FNDC3B: variants seen among roughly 807,000 people sequenced by gnomAD.
The protein encoded by FNDC3B is fibronectin type III domain containing 3B, also known as fibronectin type III domain-containing protein 3B.
A neutral mutation model predicts 151.5 loss-of-function variants in FNDC3B; 12 were observed. The observed-to-expected ratio is 0.08, with a 90% CI of 0.05 to 0.13. The LOEUF (loss-of-function observed/expected upper bound fraction) is 0.13, where lower values mean the gene tolerates loss of function less well. Among genes scored for constraint, FNDC3B ranks in the 10% least tolerant of loss-of-function variants. The pLI is 1.00. For synonymous variants in FNDC3B, 528 were observed against 549.0 expected (o/e 0.96, Z 0.54); for missense variants, 1,214 against 1,505.3 (o/e 0.81, Z 3.20).
intron 25 of FNDC3B, among the ~76,000 whole-genome samples, chr3:172,391,280 A>G (rs1337561092): frequency 6.6e-6 from 1 of 152,218 alleles, no homozygotes; most frequent in East Asian, 1.9e-4. Context: ...TTTGCAGAGC[A>G]TTTTCCACAT....
chr3:172,089,652 G>A (rs534451489), intron 1 of FNDC3B, among the ~76,000 whole-genome samples: 1 of 152,210 alleles, frequency 6.6e-6, no homozygotes, highest in South Asian at 2.1e-4. Context: ...TAATATCTCT[G>A]ACAGAAGACT....
At chr3:172,060,422 G>A (rs1019950658) in intron 1 of FNDC3B, among the ~76,000 whole-genome samples, 5 of 152,012 alleles carry the variant, frequency 3.3e-5, no homozygotes, top group African/African-American at 1.2e-4. Flanking sequence ...TAGGCCATGA[G>A]ACTGATTACT....
At chr3:172,108,376 A>T (rs1719780078) in intron 1 of FNDC3B, among the ~76,000 whole-genome samples, 1 of 152,210 alleles carries the variant, frequency 6.6e-6, no homozygotes, top group South Asian at 2.1e-4. Flanking sequence ...ATTACAAACA[A>T]ATAGAGTAAG....
intron 6 of FNDC3B, 119 bp downstream of exon 6, chr3:172,251,660 T>C: frequency 1.1e-6 from 1 of 908,768 alleles, no homozygotes; most frequent in Non-Finnish European, 1.6e-6. Context: ...CTGCTAAGAA[T>C]ATTTGAGTAG....
At chr3:172,302,708 A>T (rs1020656303) in intron 9 of FNDC3B, 80 of 152,226 alleles carry the variant, frequency 5.3e-4, no homozygotes, top group African/African-American at 1.9e-3. Context: ...CTTAACACAA[A>T]TAAATTTTTT....
At chr3:172,146,500 GTTGGGGA>G (rs1721914821) in intron 3 of FNDC3B, among the ~76,000 whole-genome samples, 1 of 152,210 alleles carries the variant, frequency 6.6e-6, no homozygotes, top group South Asian at 2.1e-4. Flanking sequence ...GATTGTAAGG[GTTGGGGA>G]CTGGGCATGA....
In FNDC3B at chr3:172,230,774, C is replaced by A. The variant is rs1427639414; in HGVS notation, c.264+3827C>A. ...GTAAATCAAAACCACACTGCAATAC[C>A]TTAATGTGCTAGGATTTCTATAGTC... On this transcript the variant is annotated intron_variant, in intron 4 of 25. Transcript: ENST00000415807. Among the ~76,000 whole-genome samples, 4 of 152,126 alleles carry A rather than the reference C, an allele frequency of 2.6e-5. No individual in the cohort carries two copies. In the East Asian group the frequency reaches 7.7e-4, roughly 29 times the overall value.
At chr3:172,242,062 G>T (rs765012048) in intron 4 of FNDC3B, among the ~76,000 whole-genome samples, 2 of 152,220 alleles carry the variant, frequency 1.3e-5, no homozygotes, top group African/African-American at 4.8e-5. Flanking sequence ...AAAATCCAGT[G>T]GGACAGTCAA....
At position 172,284,198 on chromosome 3, in the gene FNDC3B, A is replaced by G. The variant is rs370512332; in HGVS notation, c.791-1728A>G. 1.4e-3 allele frequency among the ~76,000 whole-genome samples: 207 copies of G among 152,312 alleles called. 1 individual carries two copies. The highest frequency in any genetic ancestry group is 4.3e-3 in the African/African-American group (180 of 41,552). On this transcript the variant is annotated intron_variant, in intron 6 of 25. Coordinates refer to ENST00000415807, the MANE Select transcript of FNDC3B (RefSeq NM_022763.4). ...GTGATTTTGTCCTAGGGCAGGGGTC[A>G]TTGAACTATATAGCCTCCCTGTAGC...
Position 172,287,311 on chromosome 3 carries a change from G to C in FNDC3B, c.849+1327G>C, listed in dbSNP as rs116370882. On this transcript the variant is annotated intron_variant, in intron 7 of 25. Transcript: ENST00000415807. ...TGCCATTCTTGGACATGCTGAGTTT[G>C]TTTCACTGTCAGGGACTCTGGAAAG... Among the ~76,000 whole-genome samples, 257 of 152,302 alleles carry C rather than the reference G, an allele frequency of 1.7e-3. 1 individual carries two copies. Among genetic ancestry groups the C allele is most frequent in the African/African-American group, 5.9e-3 (247 of 41,576 alleles).
intron 3 of FNDC3B, among the ~76,000 whole-genome samples, chr3:172,186,000 A>G (rs1282998926): frequency 6.6e-6 from 1 of 152,228 alleles, no homozygotes; most frequent in Non-Finnish European, 1.5e-5. Flanking sequence ...GCGTTAATAT[A>G]ATTGGCAAAA....
intron 22 of FNDC3B, among the ~76,000 whole-genome samples, chr3:172,353,431 G>A (rs1464922869): frequency 2.0e-5 from 3 of 152,156 alleles, no homozygotes; most frequent in South Asian, 2.1e-4. Context: ...AAATTGTGCC[G>A]ACCTTAACAG....
In FNDC3B at chr3:172,330,359, G is replaced by A. The variant is rs1024690629; in HGVS notation, c.1380-182G>A. ...GTGTGTGTCTAGTAGAAGATCATGG[G>A]GTGGGGGGATGGGGAAGCTGAAGGT... On this transcript the variant is annotated intron_variant, in intron 12 of 25. Transcript: ENST00000415807. 11 of 518,308 alleles carry A rather than the reference G, an allele frequency of 2.1e-5. No homozygotes were observed. The African/African-American group carries it at 2.1e-4, about 10-fold the overall frequency. The allele number at this position is 518,308 out of a possible 1,614,324, so 32.1% of individuals were successfully genotyped here. A position where few individuals can be genotyped will look rare whatever the true frequency, so the allele number is the denominator to read the frequency against.
intron 6 of FNDC3B, among the ~76,000 whole-genome samples, chr3:172,285,478 C>T (rs1174129715): frequency 6.6e-6 from 1 of 152,158 alleles, no homozygotes; most frequent in Non-Finnish European, 1.5e-5. Flanking sequence ...CTTAAGTAAA[C>T]AAGTAAAAAC....
chr3:172,314,223 C>T (rs1731665998), intron 11 of FNDC3B, among the ~76,000 whole-genome samples: 1 of 152,028 alleles, frequency 6.6e-6, no homozygotes, highest in African/African-American at 2.4e-5. Flanking sequence ...AGAGCCACAG[C>T]TCTCCCCTCC....
chr3:172,280,511 A>AG (rs1729653015), intron 6 of FNDC3B, among the ~76,000 whole-genome samples: 1 of 152,236 alleles, frequency 6.6e-6, no homozygotes, highest in South Asian at 2.1e-4. Context: ...GCTCCTTGGC[A>AG]GATCTGAGAA....
intron 1 of FNDC3B, among the ~76,000 whole-genome samples, chr3:172,104,279 A>G (rs1719518455): frequency 6.6e-6 from 1 of 152,174 alleles, no homozygotes; most frequent in Admixed American, 6.5e-5. Context: ...GGGCTAATCT[A>G]TAATATTGTC....
At chr3:172,259,171 G>T (rs927515775) in intron 6 of FNDC3B, among the ~76,000 whole-genome samples, 1 of 152,200 alleles carries the variant, frequency 6.6e-6, no homozygotes, top group Non-Finnish European at 1.5e-5. Flanking sequence ...GTGAGCTCAG[G>T]TCAGTGGAAT....
rs142193792 is a variant in FNDC3B at position 172,266,865 on chromosome 3, T to A, written c.790+15324T>A. Among the ~76,000 whole-genome samples the A allele has an allele frequency of 3.9e-3, 593 of 152,318 alleles. 5 individuals are homozygous for A. The highest frequency in any genetic ancestry group is 0.014 in the African/African-American group (569 of 41,564). ...TAATCATATCTCCAAAGACTATTCC[T>A]TGCAGGGTAACATTCACAACCACCA... On this transcript the variant is annotated intron_variant, in intron 6 of 25. Coordinates refer to ENST00000415807, the MANE Select transcript of FNDC3B (RefSeq NM_022763.4).
Sources: allele counts gnomAD v4.1 joint callset (sites outside exome capture counted in the v4.1 genomes callset), GRCh38; gene constraint gnomAD v4.1.1; transcripts MANE v1.5; gene names NCBI Gene and HGNC (gene_info 2026-07-23, HGNC 2026-07-21).